OR4Q3: variants seen among roughly 807,000 people sequenced by gnomAD.
OR4Q3 encodes the protein olfactory receptor family 4 subfamily Q member 3, also known as olfactory receptor 4Q3.
OR4Q3 carries 17 observed loss-of-function variants against 18.8 expected under a neutral mutation model. That is an observed-to-expected ratio of 0.91 (90% CI 0.62 to 1.36). The LOEUF (loss-of-function observed/expected upper bound fraction) is 1.36, where lower values mean the gene tolerates loss of function less well. Ranked by LOEUF, OR4Q3 falls within the 40% of genes most tolerant of loss-of-function variation. The pLI is 0.00. For missense variants in OR4Q3, 378 were observed against 373.4 expected, an observed-to-expected ratio of 1.01 and a Z score of -0.10; for synonymous variants, 158 against 145.8, an observed-to-expected ratio of 1.08 and a Z score of -0.60.
At chr14:19,752,245 G>A, downstream of OR4Q3, among the ~76,000 whole-genome samples, 1 of 152,170 alleles carries the variant, frequency 6.6e-6, no homozygotes, top group Non-Finnish European at 1.5e-5. Flanking sequence ...CTTACCGAAT[G>A]GGAGAAAATA....
chr14:19,744,406 C>G (rs1437469182), intron 1 of OR4Q3, among the ~76,000 whole-genome samples: 1 of 152,152 alleles, frequency 6.6e-6, no homozygotes, highest in Non-Finnish European at 1.5e-5. Context: ...ATGCTTAAAA[C>G]ACACACATGC....
At chr14:19,745,915 G>T in intron 1 of OR4Q3, among the ~76,000 whole-genome samples, 1 of 152,124 alleles carries the variant, frequency 6.6e-6, no homozygotes, top group East Asian at 1.9e-4. Context: ...TGTGCACTCG[G>T]CTATATAGGC....
chr14:19,750,650 A>G, downstream of OR4Q3, among the ~76,000 whole-genome samples: 6 of 152,198 alleles, frequency 3.9e-5, no homozygotes, highest in Non-Finnish European at 7.3e-5. Context: ...GGGACAAAAT[A>G]TGTATTTTTA....
At chr14:19,748,192 C>T in exon 2 of OR4Q3, 78 of 1,613,924 alleles carry the variant, frequency 4.8e-5, no homozygotes, top group African/African-American at 3.6e-4. Flanking sequence ...TCGTGCCATG[C>T]GTATTCATCT....
downstream of OR4Q3, chr14:19,749,604 C>CAAAATAAAAAA: frequency 2.9e-5 from 1 of 34,570 alleles, no homozygotes. Flanking sequence ...GGTCTCAAAG[C>CAAAATAAAAAA]AAAAAAAAAA....
At chr14:19,750,603 G>T, downstream of OR4Q3, among the ~76,000 whole-genome samples, 2 of 152,172 alleles carry the variant, frequency 1.3e-5, no homozygotes, top group Non-Finnish European at 2.9e-5. Flanking sequence ...CTGGAAAATT[G>T]CAATAACCCT....
chr14:19,743,602 G>A (rs1338841855), exon 1 of OR4Q3: 1 of 152,434 alleles, frequency 6.6e-6, no homozygotes, highest in African/African-American at 2.4e-5. Context: ...CTGAAGAGAG[G>A]GTTGATAGGA....
At chr14:19,744,868 C>T in intron 1 of OR4Q3, among the ~76,000 whole-genome samples, 1 of 152,128 alleles carries the variant, frequency 6.6e-6, no homozygotes, top group African/African-American at 2.4e-5. Context: ...TTGTTCTTTT[C>T]ATTCTTCACG....
At chr14:19,747,430 G>A in exon 2 of OR4Q3, 6 of 1,593,132 alleles carry the variant, frequency 3.8e-6, no homozygotes, top group East Asian at 4.5e-5. Context: ...TTGGCTTGAT[G>A]AAAAAAGAAC....
chr14:19,750,963 T>C, downstream of OR4Q3, among the ~76,000 whole-genome samples: 3 of 152,354 alleles, frequency 2.0e-5, no homozygotes, highest in African/African-American at 7.2e-5. Context: ...CCAAGAGTAC[T>C]GCGTGAGTTA....
chr14:19,751,569 C>T, downstream of OR4Q3, among the ~76,000 whole-genome samples: 17 of 151,832 alleles, frequency 1.1e-4, no homozygotes, highest in African/African-American at 3.9e-4. Flanking sequence ...AATTTCAGAG[C>T]TTGATATTGA....
chr14:19,749,790 TTCTTTC>T, downstream of OR4Q3, among the ~76,000 whole-genome samples: 5 of 96,968 alleles, frequency 5.2e-5, no homozygotes, highest in Admixed American at 1.0e-4. Flanking sequence ...TTCTCTTTCT[TTCTTTC>T]TCTCTCTTTC....
At chr14:19,748,933 A>G in exon 2 of OR4Q3, 145 of 154,524 alleles carry the variant, frequency 9.4e-4, no homozygotes, top group Non-Finnish European at 1.8e-3. Flanking sequence ...GTCAGGCATC[A>G]GTCTAATGAA....
intron 1 of OR4Q3, among the ~76,000 whole-genome samples, chr14:19,745,976 G>A: frequency 6.6e-6 from 1 of 152,148 alleles, no homozygotes. Flanking sequence ...TCCAAAGGTG[G>A]CTTGAGTCCC....
At chr14:19,751,753 T>C, downstream of OR4Q3, among the ~76,000 whole-genome samples, 9 of 147,380 alleles carry the variant, frequency 6.1e-5, no homozygotes, top group African/African-American at 2.2e-4. Flanking sequence ...TTGTCCTTTT[T>C]GACTGTACTC....
exon 2 of OR4Q3, chr14:19,747,473 G>T: frequency 1.2e-6 from 2 of 1,612,518 alleles, no homozygotes; most frequent in Non-Finnish European, 1.7e-6. Flanking sequence ...TGTTCTTCTG[G>T]GCCTATCATC....
At chr14:19,748,498 G>T in exon 2 of OR4Q3, 1 of 723,492 alleles carries the variant, frequency 1.4e-6, no homozygotes, top group Admixed American at 3.0e-5. Flanking sequence ...AGATTATAAT[G>T]GATCACTCTT....
chr14:19,748,207 G>C, exon 2 of OR4Q3: 1 of 1,613,966 alleles, frequency 6.2e-7, no homozygotes, highest in East Asian at 2.2e-5. Context: ...TCATCTATTT[G>C]AGGCCTTTCT....
intron 1 of OR4Q3, among the ~76,000 whole-genome samples, chr14:19,744,991 A>G: frequency 1.3e-5 from 2 of 152,138 alleles, no homozygotes; most frequent in Non-Finnish European, 2.9e-5. Context: ...AGCTTTCTAT[A>G]TTGTTTAGTA....
Sources: allele counts gnomAD v4.1 joint callset (sites outside exome capture counted in the v4.1 genomes callset), GRCh38; gene constraint gnomAD v4.1.1; transcripts MANE v1.5; gene names NCBI Gene and HGNC (gene_info 2026-07-23, HGNC 2026-07-21).